The following ZC3H14 variants were observed in gnomAD, a reference collection of about 807,000 sequenced individuals.
The protein encoded by ZC3H14 is zinc finger CCCH-type containing 14, also known as zinc finger CCCH domain-containing protein 14.
A neutral mutation model predicts 92.4 loss-of-function variants in ZC3H14; 31 were observed. The ratio of observed to expected loss-of-function variants is 0.34; its 90% CI spans 0.25 to 0.45. ZC3H14 has a LOEUF of 0.45. Among genes scored for constraint, ZC3H14 ranks in the 20% least tolerant of loss-of-function variants. The pLI, the probability that ZC3H14 is intolerant of heterozygous loss-of-function variation, is 1.00. For synonymous variants in ZC3H14, 321 were observed against 300.9 expected, an observed-to-expected ratio of 1.07 and a Z score of -0.69; for missense variants, 781 against 897.3, an observed-to-expected ratio of 0.87 and a Z score of 1.66.
chr14:88,604,742 G>A (rs139291235), intron 12 of ZC3H14, among the ~76,000 whole-genome samples: 15 of 152,052 alleles, frequency 9.9e-5, no homozygotes, highest in African/African-American at 3.4e-4. Flanking sequence ...TTACAGGCAT[G>A]CACCATCACA....
chr14:88,606,194 A>G (rs1330325422), intron 12 of ZC3H14, among the ~76,000 whole-genome samples: 1 of 152,220 alleles, frequency 6.6e-6, no homozygotes, highest in Non-Finnish European at 1.5e-5. Context: ...TGCCAGCATT[A>G]CAATTTCGAT....
At chr14:88,577,224 C>T (rs1418921180) in intron 8 of ZC3H14, among the ~76,000 whole-genome samples, 2 of 152,150 alleles carry the variant, frequency 1.3e-5, no homozygotes, top group East Asian at 3.9e-4. Context: ...GCACTCTTGA[C>T]CTAATGATAT....
Position 88,622,731 on chromosome 14 carries a change from C to T in ZC3H14, c.*10980C>T, listed in dbSNP as rs748816180. 6.3e-7 allele frequency: 1 copy of T among 1,577,454 alleles called. No homozygotes were observed. Among genetic ancestry groups the T allele is most frequent in the Admixed American group, 1.8e-5 (1 of 56,074 alleles). ...TCCTTCTTTTGACCTAAGTAAATAA[C>T]CAAGCCAGAGTAAGTGTTCATTATT... On this transcript the variant is annotated 3_prime_UTR_variant, in exon 17 of 17. Transcript: ENST00000251038.
Position 88,625,366 on chromosome 14 carries a change from T to C in ZC3H14, c.*13615T>C, listed in dbSNP as rs2089761168. On this transcript the variant is annotated 3_prime_UTR_variant, in exon 17 of 17. Transcript: ENST00000251038. Reference sequence around the variant, plus strand: ...AGCTAGAATAACCTTAGACAATTCTTCCCTTCCAATTCTAACATACTATAA... The same window carrying C: ...AGCTAGAATAACCTTAGACAATTCTCCCCTTCCAATTCTAACATACTATAA... The C allele has an allele frequency of 4.5e-6, 2 of 445,638 alleles. No individual in the cohort carries two copies. Among genetic ancestry groups the C allele is most frequent in the Admixed American group, 3.9e-5 (1 of 25,554 alleles). The allele number at this position is 445,638 out of a possible 1,614,324, so 27.6% of individuals were successfully genotyped here.
At position 88,626,962 on chromosome 14, in the gene ZC3H14, G is replaced by A. The variant is rs752694456; in HGVS notation, c.*15211G>A. Reference sequence around the variant, plus strand: ...GAACTTCACATGTTTTACTCCCACTGAGACAAACTGGGTATCTGAATCTGG... The same window carrying A: ...GAACTTCACATGTTTTACTCCCACTAAGACAAACTGGGTATCTGAATCTGG... On this transcript the variant is annotated 3_prime_UTR_variant, in exon 17 of 17. Coordinates refer to ENST00000251038, the MANE Select transcript of ZC3H14 (RefSeq NM_024824.5). 1 of 1,613,984 alleles carries A rather than the reference G, an allele frequency of 6.2e-7. No individual in the cohort carries two copies. Among genetic ancestry groups the A allele is most frequent in the South Asian group, 1.1e-5 (1 of 91,074 alleles).
intron 13 of ZC3H14, chr14:88,608,071 A>G: frequency 3.2e-6 from 1 of 311,564 alleles, no homozygotes; most frequent in Non-Finnish European, 5.9e-6. Flanking sequence ...TGCAAGTACC[A>G]TCCCCCATCT....
chr14:88,604,348 C>T (rs1307853200), intron 12 of ZC3H14, among the ~76,000 whole-genome samples: 2 of 152,136 alleles, frequency 1.3e-5, no homozygotes, highest in South Asian at 4.2e-4. Flanking sequence ...TGTTTCCCTG[C>T]TGCTCAAGGA....
Position 88,612,054 on chromosome 14 carries a change from A to G in ZC3H14, c.*303A>G, listed in dbSNP as rs1360335422. ...GCTGTTGTGAGGATCAGCATATGAA[A>G]TTGACATCATGGTTAGTCATGGTAC... On this transcript the variant is annotated 3_prime_UTR_variant, in exon 17 of 17. Coordinates refer to ENST00000251038, the MANE Select transcript of ZC3H14 (RefSeq NM_024824.5). The G allele has an allele frequency of 4.8e-6, 2 of 416,202 alleles. No individual in the cohort carries two copies. Among genetic ancestry groups the G allele is most frequent in the Middle Eastern group, 6.7e-4 (1 of 1,496 alleles). 25.8% of individuals were successfully genotyped at this position (416,202 alleles called of 1,614,324 possible).
At chr14:88,578,670 A>G (rs1277597894) in intron 9 of ZC3H14, among the ~76,000 whole-genome samples, 2 of 150,268 alleles carry the variant, frequency 1.3e-5, no homozygotes, top group African/African-American at 4.9e-5. Context: ...TTGAAATTTT[A>G]GTTACCTTTA....
At position 88,618,489 on chromosome 14, in the gene ZC3H14, C is replaced by T; in HGVS notation, c.*6738C>T. 1 of 1,090,282 alleles carries T rather than the reference C, an allele frequency of 9.2e-7. No individual in the cohort carries two copies. The highest frequency in any genetic ancestry group is 2.6e-5 in the East Asian group (1 of 38,446). 67.5% of individuals were successfully genotyped at this position (1,090,282 alleles called of 1,614,324 possible). A position where few individuals can be genotyped will look rare whatever the true frequency, so the allele number is the denominator to read the frequency against. On this transcript the variant is annotated 3_prime_UTR_variant, in exon 17 of 17. Transcript: ENST00000251038. The stretch of plus-strand genomic sequence containing the variant: ...ACAAAAACTTAATAGGAGAAAAGCT[C>T]TGATAAGTGGGGGAGGAAAGGGGAG...
intron 10 of ZC3H14, 122 bp downstream of exon 10, chr14:88,596,930 T>C: frequency 1.2e-6 from 1 of 829,708 alleles, no homozygotes; most frequent in Non-Finnish European, 2.0e-6. Flanking sequence ...TATTTAGATC[T>C]GTGAAAATAT....
intron 12 of ZC3H14, among the ~76,000 whole-genome samples, chr14:88,603,613 C>T (rs1221964676): frequency 1.3e-5 from 2 of 152,280 alleles, no homozygotes; most frequent in East Asian, 1.9e-4. Context: ...TTCTTATCAC[C>T]GTTTCTTTCA....
Position 88,621,016 on chromosome 14 carries a change from C to A in ZC3H14, c.*9265C>A. Reference sequence around the variant, plus strand: ...ACCAGTTTCCCCTCAAAATGCTCAACAGAATTCTGGCAGTTCTTTAAGTAC... The same window carrying A: ...ACCAGTTTCCCCTCAAAATGCTCAAAAGAATTCTGGCAGTTCTTTAAGTAC... On this transcript the variant is annotated 3_prime_UTR_variant, in exon 17 of 17. Transcript: ENST00000251038. The A allele has an allele frequency of 6.8e-7, 1 of 1,478,308 alleles. No homozygotes were observed. The highest frequency in any genetic ancestry group is 9.0e-7 in the Non-Finnish European group (1 of 1,115,588). The allele number at this position is 1,478,308 out of a possible 1,614,324, so 91.6% of individuals were successfully genotyped here.
Position 88,596,784 on chromosome 14 carries a change from G to T in ZC3H14, c.1330G>T (p.Ala444Ser). 1.9e-6 allele frequency: 3 copies of T among 1,613,970 alleles called. No homozygotes were observed. The highest frequency in any genetic ancestry group is 1.3e-5 in the African/African-American group (1 of 75,006). ...CCGACTGCAAATCGACCCAGTAATG[G>T]CAGAAACTCTGCAGATGAGTCAAGG... is the stretch of plus-strand genomic sequence containing the variant. ...LSRLQIDPVM[A>S]ETLQMSQDYY... Residue 444 changes from alanine to serine, a missense_variant, in exon 10 of 17, where the codon GCA (alanine) becomes TCA (serine). Ala to Ser is a moderately conservative substitution (Grantham distance 99, BLOSUM62 1). Coordinates refer to ENST00000251038, the MANE Select transcript of ZC3H14 (RefSeq NM_024824.5).
intron 12 of ZC3H14, among the ~76,000 whole-genome samples, chr14:88,604,348 C>G (rs1307853200): frequency 6.6e-6 from 1 of 152,136 alleles, no homozygotes; most frequent in African/African-American, 2.4e-5. Context: ...TGTTTCCCTG[C>G]TGCTCAAGGA....
At chr14:88,563,494 TGCGGGGTGGGGG>T (rs556595753) in intron 1 of ZC3H14, 145 bp from the exon 2 acceptor site, 17,048 of 1,497,756 alleles carry the variant, frequency 0.011, 153 homozygotes, top group Middle Eastern at 0.049. Flanking sequence ...TGGAGTGGGG[TGCGGGGTGGGGG>T]GCGGTGCAGG....
intron 3 of ZC3H14, among the ~76,000 whole-genome samples, chr14:88,569,035 T>C (rs1025368025): frequency 6.6e-6 from 1 of 152,000 alleles, no homozygotes; most frequent in African/African-American, 2.4e-5. Context: ...CCTGACTAAT[T>C]TTTAAATTTT....
At chr14:88,609,945 C>A in intron 15 of ZC3H14, 142 bp downstream of exon 15, 2 of 911,348 alleles carry the variant, frequency 2.2e-6, no homozygotes, top group Non-Finnish European at 3.4e-6. Flanking sequence ...TTCCTCGTCA[C>A]TGAACCTCCA....
intron 9 of ZC3H14, chr14:88,594,902 C>A: frequency 6.2e-7 from 1 of 1,613,954 alleles, no homozygotes; most frequent in Non-Finnish European, 8.5e-7. Flanking sequence ...ATGAAAGCAG[C>A]TATTTTGACA....
Sources: allele counts gnomAD v4.1 joint callset (sites outside exome capture counted in the v4.1 genomes callset), GRCh38; gene constraint gnomAD v4.1.1; transcripts MANE v1.5; gene names NCBI Gene and HGNC (gene_info 2026-07-23, HGNC 2026-07-21).